Variants in UGT2B15 observed in about 807,000 individuals in gnomAD.
UGT2B15 encodes the protein UDP glucuronosyltransferase family 2 member B15.
In UGT2B15, 36 loss-of-function variants were observed where a neutral mutation model predicts 45.9. The observed-to-expected ratio is 0.78, with a 90% confidence interval of 0.60 to 1.04. The LOEUF (loss-of-function observed/expected upper bound fraction) is 1.04, where lower values mean the gene tolerates loss of function less well. Ranked by LOEUF, UGT2B15 falls within the 50% of genes least tolerant of loss-of-function variation. The pLI is 0.00. For missense variants in UGT2B15, 617 were observed against 622.4 expected (o/e 0.99, Z 0.09); for synonymous variants, 219 against 216.4 (o/e 1.01, Z -0.11).
rs1385108115 is a variant in UGT2B15 at position 68,646,886 on chromosome 4, C to A, written c.*218G>T. 1.6e-5 allele frequency: 11 copies of A among 703,266 alleles called. No individual in the cohort carries two copies. Among genetic ancestry groups the A allele is most frequent in the East Asian group, 1.2e-4 (4 of 34,214 alleles). 43.6% of individuals were successfully genotyped at this position (703,266 alleles called of 1,614,324 possible). ...GGTATATCTCCAAATGCTATCCTTC[C>A]CCCCATTGTATTTTTCATAGCTTAA... On this transcript the variant is annotated 3_prime_UTR_variant, in exon 6 of 6. Coordinates refer to ENST00000338206, the MANE Select transcript of UGT2B15 (RefSeq NM_001076.4).
At chr4:68,658,080 A>C (rs1732863031) in intron 3 of UGT2B15, among the ~76,000 whole-genome samples, 1 of 152,076 alleles carries the variant, frequency 6.6e-6, no homozygotes, top group Admixed American at 6.6e-5. Context: ...GCCTATGGTG[A>C]TCAAGTATTC....
Position 68,646,946 on chromosome 4 carries a change from G to C in UGT2B15, c.*158C>G. On this transcript the variant is annotated 3_prime_UTR_variant, in exon 6 of 6. Coordinates refer to ENST00000338206, the MANE Select transcript of UGT2B15 (RefSeq NM_001076.4). ...ACATAGAATAATTCAGCTAAAGTAC[G>C]TATTAAATCCCTGGAAAATAAATTT... 9.4e-7 allele frequency: 1 copy of C among 1,066,050 alleles called. No homozygotes were observed. The allele number at this position is 1,066,050 out of a possible 1,614,324, so 66.0% of individuals were successfully genotyped here.
rs2877378 is a variant in UGT2B15, at chr4:68,659,957, T to C, written c.1005+3051A>G. Among the ~76,000 whole-genome samples, 368 of 151,880 alleles carry C rather than the reference T, an allele frequency of 2.4e-3. 2 individuals carry two copies. Among genetic ancestry groups the C allele is most frequent in the African/African-American group, 8.1e-3 (337 of 41,454 alleles). The stretch of plus-strand genomic sequence containing the variant: ...TTTTTTTCAGAGTGAAGGAATCTTT[T>C]TTTTTTTGAGCTATTAACAGCTTTT... On this transcript the variant is annotated intron_variant, in intron 3 of 5. Transcript: ENST00000338206.
In UGT2B15 at chr4:68,659,324, C is replaced by A. The variant is rs933346540; in HGVS notation, c.1005+3684G>T. Among the ~76,000 whole-genome samples, 4 of 151,852 alleles carry A rather than the reference C, an allele frequency of 2.6e-5. No individual in the cohort carries two copies. In the South Asian group the frequency reaches 8.3e-4, roughly 31 times the overall value. On this transcript the variant is annotated intron_variant, in intron 3 of 5. Coordinates refer to ENST00000338206, the MANE Select transcript of UGT2B15 (RefSeq NM_001076.4). Reference sequence around the variant, plus strand: ...TTTGATATTTGAGAAATTTTCCAAACAAATTATAAATTATGATTTTTTCTG... The same window carrying A: ...TTTGATATTTGAGAAATTTTCCAAAAAAATTATAAATTATGATTTTTTCTG...
Position 68,670,144 on chromosome 4 carries a change from C to T in UGT2B15, c.475G>A (p.Glu159Lys), listed in dbSNP as rs748826276. 1.9e-6 allele frequency: 3 copies of T among 1,614,058 alleles called. No individual in the cohort carries two copies. The Admixed American group carries it at 5.0e-5, about 27-fold the overall frequency. The part of the protein sequence containing the change: ...ILADALNPCG[E>K]LLAELFNIPF... ...ATGTTAAATAGTTCAGCCAGTAGCT[C>T]ACCACAGGGATTAAGGGCATCTGCC... Residue 159 changes from glutamate to lysine, a missense_variant, in exon 1 of 6, where the codon GAG (glutamate) becomes AAG (lysine). Glu to Lys is a moderately conservative substitution (Grantham distance 56). Coordinates refer to ENST00000338206, the MANE Select transcript of UGT2B15 (RefSeq NM_001076.4).
intron 3 of UGT2B15, among the ~76,000 whole-genome samples, chr4:68,660,814 G>A (rs76929105): frequency 0.74 from 112,349 of 151,060 alleles, 42,115 homozygotes; most frequent in Admixed American, 0.83. Flanking sequence ...ATGCTTTCAT[G>A]AAGCCCTACA....
rs1396073513 is a variant in UGT2B15, at chr4:68,647,156, A to G, written c.1541T>C (p.Leu514Pro). The change falls in exon 6 of 6, where the codon CTG becomes CCG. Residue 514 changes from leucine (L) to proline (P), a missense_variant. By Grantham distance (98) the Leu-to-Pro change is moderately conservative. Transcript: ENST00000338206. ...TTTGGCAAGCTTTCGGAAACAAAACAGGCAAAATTTTGTGATGATAAATAT... is the reference window on the plus strand; with the variant it reads ...TTTGGCAAGCTTTCGGAAACAAAACGGGCAAAATTTTGTGATGATAAATAT... Reference protein sequence around the residue: ...TVIFIITKFCLFCFRKLAKKG... With the variant: ...TVIFIITKFCPFCFRKLAKKG... 3 of 1,613,920 alleles carry G rather than the reference A, an allele frequency of 1.9e-6. No homozygotes were observed. Among genetic ancestry groups the G allele is most frequent in the Non-Finnish European group, 2.5e-6 (3 of 1,179,856 alleles).
intron 5 of UGT2B15, among the ~76,000 whole-genome samples, chr4:68,650,995 G>GTTTTTTTTT (rs376333738): frequency 8.5e-6 from 1 of 117,572 alleles, no homozygotes; most frequent in Non-Finnish European, 1.7e-5. Flanking sequence ...TGATGGTGTT[G>GTTTTTTTTT]TTTTTTTTTT....
Position 68,662,412 on chromosome 4 carries a change from C to G in UGT2B15, c.1005+596G>C, listed in dbSNP as rs192757479. 5.9e-3 allele frequency among the ~76,000 whole-genome samples: 869 copies of G among 147,076 alleles called. 6 individuals are homozygous for G. The highest frequency in any genetic ancestry group is 0.021 in the African/African-American group (828 of 39,928). Reference sequence around the variant, plus strand: ...AAGTTTTTTTTTTTTTTCTCTAAATCTACTTGGCTAGGTGGGTACCTCCAG... The same window carrying G: ...AAGTTTTTTTTTTTTTTCTCTAAATGTACTTGGCTAGGTGGGTACCTCCAG... On this transcript the variant is annotated intron_variant, in intron 3 of 5. Transcript: ENST00000338206.
At chr4:68,649,408 A>G (rs1328563401) in intron 5 of UGT2B15, among the ~76,000 whole-genome samples, 3 of 148,488 alleles carry the variant, frequency 2.0e-5, no homozygotes, top group Non-Finnish European at 3.0e-5. Flanking sequence ...TCTCCCAAGT[A>G]TCTGGGACTA....
At chr4:68,650,244 C>T (rs1170375568) in intron 5 of UGT2B15, among the ~76,000 whole-genome samples, 11 of 151,908 alleles carry the variant, frequency 7.2e-5, no homozygotes, top group Non-Finnish European at 1.0e-4. Flanking sequence ...TTTGCAGCAC[C>T]GATCAACCTG....
chr4:68,664,266 CAA>C (rs151053424), intron 2 of UGT2B15, among the ~76,000 whole-genome samples: 2 of 142,868 alleles, frequency 1.4e-5, no homozygotes. Flanking sequence ...ATTCTCACAC[CAA>C]AAAAAAAAAA....
intron 1 of UGT2B15, 127 bp downstream of exon 1, chr4:68,669,768 A>C: frequency 7.5e-7 from 1 of 1,334,466 alleles, no homozygotes; most frequent in Middle Eastern, 1.9e-4. Flanking sequence ...CTGATAGATC[A>C]TCTTACATTT....
intron 2 of UGT2B15, among the ~76,000 whole-genome samples, chr4:68,666,515 T>G (rs1733123831): frequency 6.6e-6 from 1 of 152,022 alleles, no homozygotes; most frequent in East Asian, 1.9e-4. Flanking sequence ...CAGCACAATA[T>G]GAAGTTGTGA....
chr4:68,665,238 G>A (rs1378112670), intron 2 of UGT2B15, among the ~76,000 whole-genome samples: 1 of 152,084 alleles, frequency 6.6e-6, no homozygotes, highest in Non-Finnish European at 1.5e-5. Flanking sequence ...ATAACTCAAT[G>A]TACATATGTG....
intron 5 of UGT2B15, among the ~76,000 whole-genome samples, chr4:68,652,590 T>C (rs1203417671): frequency 2.6e-5 from 4 of 151,750 alleles, no homozygotes; most frequent in Non-Finnish European, 4.4e-5. Flanking sequence ...AGACTCTGAA[T>C]TGATGGTAGC....
At chr4:68,647,721 T>A (rs572921645) in intron 5 of UGT2B15, among the ~76,000 whole-genome samples, 1 of 152,188 alleles carries the variant, frequency 6.6e-6, no homozygotes, top group South Asian at 2.1e-4. Context: ...CTTTTTAATT[T>A]TTTTTTATTT....
rs148527455 is a variant in UGT2B15, at chr4:68,650,431, G to A, written c.1314-3048C>T. On this transcript the variant is annotated intron_variant, in intron 5 of 5. Transcript: ENST00000338206. The stretch of plus-strand genomic sequence containing the variant: ...TTTCTGTTCCTGTGTTAGTTGCTGC[G>A]GATAATGGCTTTGCATTTCATCCGT... 3.5e-3 allele frequency among the ~76,000 whole-genome samples: 530 copies of A among 152,044 alleles called. 6 individuals are homozygous for A. The highest frequency in any genetic ancestry group is 0.012 in the African/African-American group (507 of 41,466).
In UGT2B15 at chr4:68,647,365, C is replaced by T. The variant is rs1263517739; in HGVS notation, c.1332G>A (p.Met444Ile). The T allele has an allele frequency of 1.2e-6, 2 of 1,613,276 alleles. No homozygotes were observed. The highest frequency in any genetic ancestry group is 1.7e-5 in the Admixed American group (1 of 59,926). ...INDPVYKENV[M>I]KLSRIHHDQP... ...GGTCATGATGAATTCTTGATAATTT[C>T]ATGACATTCTCTTTATAGCTGAAGG... The change falls in exon 6 of 6, where the codon ATG (methionine) becomes ATA (isoleucine). Residue 444 changes from methionine (M) to isoleucine (I), a missense_variant. Met to Ile is a conservative substitution (Grantham distance 10, BLOSUM62 1). Transcript: ENST00000338206.
Sources: gnomAD v4.1 joint callset for allele counts (sites outside exome capture counted in the v4.1 genomes callset) on GRCh38, gnomAD v4.1.1 for gene constraint, MANE v1.5 for transcripts, NCBI Gene and HGNC (gene_info 2026-07-23, HGNC 2026-07-21) for gene names.